The following FRMPD1 variants were observed in gnomAD, a reference collection of about 807,000 sequenced individuals.
FRMPD1 encodes FERM and PDZ domain-containing protein 1.
A neutral mutation model predicts 117.8 loss-of-function variants in FRMPD1; 76 were observed. The ratio of observed to expected loss-of-function variants is 0.65; its 90% confidence interval spans 0.54 to 0.78. The LOEUF (loss-of-function observed/expected upper bound fraction) is 0.78. Among genes scored for constraint, FRMPD1 ranks in the 30% least tolerant of loss-of-function variants. The pLI is 0.00. For synonymous variants in FRMPD1, 783 were observed against 770.4 expected (o/e 1.02, Z -0.27); for missense variants, 1,786 against 1,964.5 (o/e 0.91, Z 1.72).
chr9:37,746,619 C>T lies in FRMPD1; in HGVS notation c.4587C>T (p.Tyr1529=), dbSNP rs1424610947. 1.9e-6 allele frequency: 3 copies of T among 1,614,014 alleles called. No individual in the cohort carries two copies. Among genetic ancestry groups the T allele is most frequent in the Admixed American group, 1.7e-5 (1 of 60,034 alleles). Residue 1529 remains tyrosine (Y), a synonymous_variant, in exon 16 of 16, where the codon TAC becomes TAT. Coordinates refer to ENST00000377765, the MANE Select transcript of FRMPD1 (RefSeq NM_014907.3). ...CGGGGAACCTGAGGGATGTGGTGTA[C>T]ACCTACCATCAGTTTATAGAGGCTG... is the stretch of plus-strand genomic sequence containing the variant. ...EAAGNLRDVV[Y]TYHQFIEAAK...
Position 37,669,245 on chromosome 9 carries a change from G to A in FRMPD1, c.-5+18151G>A, listed in dbSNP as rs577823917. On this transcript the variant is annotated intron_variant, in intron 1 of 15. Coordinates refer to ENST00000377765, the MANE Select transcript of FRMPD1 (RefSeq NM_014907.3). ...AAATGAATCTTCTAGTTTTAGAAATGCCTATGCCATATACCACAGCTGATC... is the reference window on the plus strand; with the variant it reads ...AAATGAATCTTCTAGTTTTAGAAATACCTATGCCATATACCACAGCTGATC... 3.3e-5 allele frequency among the ~76,000 whole-genome samples: 5 copies of A among 152,304 alleles called. No homozygotes were observed. The South Asian group carries it at 1.0e-3, about 32-fold the overall frequency.
At chr9:37,626,744 G>A in the FRMPD1 span, among the ~76,000 whole-genome samples, 12 of 151,634 alleles carry the variant, frequency 7.9e-5, no homozygotes, top group East Asian at 3.9e-4. Context: ...AGCTGTGATC[G>A]GGCCACTGCA....
At chr9:37,711,072 C>T (rs1284509525) in intron 4 of FRMPD1, among the ~76,000 whole-genome samples, 1 of 151,772 alleles carries the variant, frequency 6.6e-6, no homozygotes, top group Non-Finnish European at 1.5e-5. Context: ...AATGTTGTGG[C>T]TGTAGATATA....
chr9:37,687,309 C>T (rs1449698932), intron 1 of FRMPD1, among the ~76,000 whole-genome samples: 3 of 152,170 alleles, frequency 2.0e-5, no homozygotes, highest in African/African-American at 4.8e-5. Flanking sequence ...GGCCCTTAGG[C>T]TCTTTGTGAA....
chr9:37,615,475 A>AT, the FRMPD1 span, among the ~76,000 whole-genome samples: 1 of 151,960 alleles, frequency 6.6e-6, no homozygotes, highest in South Asian at 2.1e-4. Flanking sequence ...CTGTATTAAT[A>AT]TTTTCAATGA....
chr9:37,637,322 C>G, the FRMPD1 span: 2 of 1,107,348 alleles, frequency 1.8e-6, no homozygotes, highest in African/African-American at 1.5e-5. Context: ...CTCAGTCGCT[C>G]CCAGTCGGCT....
chr9:37,673,328 C>T (rs1000863473), intron 1 of FRMPD1, among the ~76,000 whole-genome samples: 3 of 152,256 alleles, frequency 2.0e-5, no homozygotes, highest in Non-Finnish European at 2.9e-5. Flanking sequence ...GACTCCACAT[C>T]TCACATGCAG....
intron 5 of FRMPD1, among the ~76,000 whole-genome samples, chr9:37,715,017 C>T (rs1056299168): frequency 2.6e-5 from 4 of 152,038 alleles, no homozygotes; most frequent in African/African-American, 4.8e-5. Flanking sequence ...TCATTGTTGT[C>T]GTGGTAGATT....
chr9:37,635,936 A>C, the FRMPD1 span, among the ~76,000 whole-genome samples: 42 of 152,270 alleles, frequency 2.8e-4, no homozygotes, highest in Middle Eastern at 3.4e-3. Flanking sequence ...AGCCTCTGGC[A>C]CGGTGGGCCT....
chr9:37,629,955 G>T, the FRMPD1 span, among the ~76,000 whole-genome samples: 40 of 152,234 alleles, frequency 2.6e-4, no homozygotes, highest in African/African-American at 9.4e-4. Flanking sequence ...ATCATGGTTG[G>T]GTTCTGGTGA....
At chr9:37,716,627 G>T (rs1488580818) in intron 5 of FRMPD1, among the ~76,000 whole-genome samples, 1 of 152,140 alleles carries the variant, frequency 6.6e-6, no homozygotes, top group African/African-American at 2.4e-5. Flanking sequence ...TTTTCTCTCT[G>T]CATCTCTCCT....
At chr9:37,693,747 G>A (rs2118041422) in intron 2 of FRMPD1, among the ~76,000 whole-genome samples, 1 of 152,260 alleles carries the variant, frequency 6.6e-6, no homozygotes, top group East Asian at 1.9e-4. Flanking sequence ...CCAGCTAAAG[G>A]GAACACTTAT....
At chr9:37,685,180 CT>C (rs1216125509) in intron 1 of FRMPD1, among the ~76,000 whole-genome samples, 1 of 152,152 alleles carries the variant, frequency 6.6e-6, no homozygotes, top group Non-Finnish European at 1.5e-5. Context: ...CATAATCTTT[CT>C]TTTTCAAATG....
intron 4 of FRMPD1, among the ~76,000 whole-genome samples, chr9:37,710,288 A>G (rs558279827): frequency 6.6e-6 from 1 of 152,318 alleles, no homozygotes; most frequent in African/African-American, 2.4e-5. Context: ...CACCAGCAGC[A>G]ATTGGCCTAA....
chr9:37,705,327 ATTGT>A (rs1297892916), intron 2 of FRMPD1, among the ~76,000 whole-genome samples: 3 of 152,044 alleles, frequency 2.0e-5, no homozygotes, highest in East Asian at 1.9e-4. Context: ...AAAACACCAA[ATTGT>A]TTGTTTGTTT....
intron 2 of FRMPD1, among the ~76,000 whole-genome samples, chr9:37,700,955 T>C (rs1383134674): frequency 6.6e-6 from 1 of 152,222 alleles, no homozygotes; most frequent in Non-Finnish European, 1.5e-5. Flanking sequence ...GATCATTTCC[T>C]TTAGCTTACT....
At chr9:37,666,449 C>T (rs927754631) in intron 1 of FRMPD1, among the ~76,000 whole-genome samples, 1 of 152,166 alleles carries the variant, frequency 6.6e-6, no homozygotes. Flanking sequence ...TCATCGTCTT[C>T]ATGCTAAGCT....
At chr9:37,728,962 C>CAAA (rs34287255) in intron 7 of FRMPD1, among the ~76,000 whole-genome samples, 1 of 109,592 alleles carries the variant, frequency 9.1e-6, no homozygotes, top group African/African-American at 3.6e-5. Context: ...GATTCCGTCT[C>CAAA]AAAAAAAAAA....
chr9:37,734,460 C>G (rs769229544), intron 12 of FRMPD1, among the ~76,000 whole-genome samples: 2 of 151,280 alleles, frequency 1.3e-5, no homozygotes, highest in African/African-American at 4.9e-5. Context: ...CTGCCTGCTT[C>G]TTTTTGGAGC....
Sources: gnomAD v4.1 joint callset for allele counts (sites outside exome capture counted in the v4.1 genomes callset) on GRCh38, gnomAD v4.1.1 for gene constraint, MANE v1.5 for transcripts, NCBI Gene and HGNC (gene_info 2026-07-23, HGNC 2026-07-21) for gene names.